The following SLC2A14 variants were observed in gnomAD, a reference collection of about 807,000 sequenced individuals.
SLC2A14 encodes the protein solute carrier family 2, facilitated glucose transporter member 14.
A neutral mutation model predicts 43.0 loss-of-function variants in SLC2A14; 13 were observed. The observed-to-expected ratio is 0.30, with a 90% CI of 0.20 to 0.48. SLC2A14 has a LOEUF of 0.48. Ranked by LOEUF, SLC2A14 falls within the 20% of genes least tolerant of loss-of-function variation. The pLI is 0.99. For missense variants in SLC2A14, 428 were observed against 620.4 expected (o/e 0.69, Z 3.29); for synonymous variants, 190 against 233.8 (o/e 0.81, Z 1.71).
At chr12:7,862,336 T>C (rs1348798125) in intron 2 of SLC2A14, among the ~76,000 whole-genome samples, 1 of 150,168 alleles carries the variant, frequency 6.7e-6, no homozygotes, top group East Asian at 1.9e-4. Flanking sequence ...ATACCAGCAC[T>C]TTGGAAGGCC....
At chr12:7,818,118 C>A in intron 9 of SLC2A14, 84 bp from the exon 10 acceptor site, 1 of 1,287,888 alleles carries the variant, frequency 7.8e-7, no homozygotes, top group Non-Finnish European at 1.1e-6. Context: ...TAATGGCAAG[C>A]TCCTCCTGTC....
chr12:7,872,736 G>GGCCACCTCTACCCCA (rs1945306525), intron 1 of SLC2A14, 71 bp downstream of exon 1: 1 of 979,728 alleles, frequency 1.0e-6, no homozygotes, highest in African/African-American at 1.8e-5. Flanking sequence ...ACTCTAGCTC[G>GGCCACCTCTACCCCA]GCCACCTCTA....
intron 3 of SLC2A14, 84 bp from the exon 4 acceptor site, chr12:7,831,848 C>A: frequency 6.4e-7 from 1 of 1,551,146 alleles, no homozygotes; most frequent in Non-Finnish European, 8.8e-7. Flanking sequence ...GTGGCTCACG[C>A]CTGTAATCCC....
intron 2 of SLC2A14, among the ~76,000 whole-genome samples, chr12:7,840,728 G>C (rs1470549819): frequency 1.3e-5 from 2 of 152,126 alleles, no homozygotes. Flanking sequence ...TTAGACAGAG[G>C]GTAGGGATAG....
chr12:7,832,519 G>A (rs868448767), intron 3 of SLC2A14, among the ~76,000 whole-genome samples: 1 of 152,116 alleles, frequency 6.6e-6, no homozygotes, highest in Non-Finnish European at 1.5e-5. Flanking sequence ...TCCCCTAGTT[G>A]GGGGAGGGAC....
intron 2 of SLC2A14, among the ~76,000 whole-genome samples, chr12:7,867,070 G>C (rs1944952480): frequency 6.6e-6 from 1 of 151,698 alleles, no homozygotes; most frequent in African/African-American, 2.4e-5. Flanking sequence ...ACAAGGTCAG[G>C]AGATTGAGAC....
At chr12:7,828,364 C>CA (rs34164271) in intron 6 of SLC2A14, among the ~76,000 whole-genome samples, 3 of 142,242 alleles carry the variant, frequency 2.1e-5, no homozygotes, top group East Asian at 2.1e-4. Context: ...GACTCTGTCT[C>CA]AAAAAAAAAA....
rs186217586 is a variant in SLC2A14 at position 7,838,872 on chromosome 12, A to G, written c.19-6058T>C. On this transcript the variant is annotated intron_variant, in intron 2 of 10. Transcript: ENST00000431042. ...TAAGGAGGTAATTAAGATTACATGA[A>G]GTCACTAGGGTGGGGCTCTAGTCCA... 2.6e-3 allele frequency among the ~76,000 whole-genome samples: 401 copies of G among 152,170 alleles called. 3 individuals carry two copies. The highest frequency in any genetic ancestry group is 8.6e-3 in the African/African-American group (357 of 41,508).
upstream of SLC2A14, among the ~76,000 whole-genome samples, chr12:7,878,127 G>A (rs565552007): frequency 8.4e-4 from 127 of 151,906 alleles, 1 homozygote; most frequent in Non-Finnish European, 6.0e-4. Flanking sequence ...CTTGGCTCAC[G>A]GCAACCTCTG....
chr12:7,874,712 G>A (rs1452940704), upstream of SLC2A14, among the ~76,000 whole-genome samples: 6 of 127,122 alleles, frequency 4.7e-5, no homozygotes, highest in Non-Finnish European at 9.5e-5. Flanking sequence ...ATATAAATAT[G>A]TATATAAATA....
chr12:7,853,435 A>AC (rs1164252577), intron 2 of SLC2A14, among the ~76,000 whole-genome samples: 1 of 143,608 alleles, frequency 7.0e-6, no homozygotes, highest in African/African-American at 2.7e-5. Context: ...ATTTCAAAAA[A>AC]AAAAAAAAAA....
intron 1 of SLC2A14, among the ~76,000 whole-genome samples, chr12:7,881,362 CGCACTCGGAGCGGCCGGCCGGCCGGCCCT>C (rs1024233782): frequency 1.3e-4 from 19 of 151,852 alleles, no homozygotes; most frequent in Non-Finnish European, 2.5e-4. Context: ...CGGCGGGCCC[CGCACTCGGAGCGGCCGGCCGGCCGGCCCT>C]GGTGGCCCCG....
At position 7,814,455 on chromosome 12, in the gene SLC2A14, G is replaced by A. The variant is rs1340899424; in HGVS notation, c.1355C>T (p.Pro452Leu). The change falls in exon 11 of 11, where the codon CCT becomes CTT. Residue 452 changes from proline (P) to leucine (L), a missense_variant. This residue lies in a region of SLC2A14 where 119 missense variants were observed against 188.7 expected (regional missense o/e 0.63). Transcript: ENST00000431042. Reference sequence around the variant, plus strand: ...CTCAAAAGTCCTGCCACGGGTCTCAGGGACTTTGAAGAAGGTAAAGGCCAA... The same window carrying A: ...CTCAAAAGTCCTGCCACGGGTCTCAAGGACTTTGAAGAAGGTAAAGGCCAA... Reference protein sequence around the residue: ...TFLAFTFFKVPETRGRTFEDI... With the variant: ...TFLAFTFFKVLETRGRTFEDI... 6 of 1,613,492 alleles carry A rather than the reference G, an allele frequency of 3.7e-6. No individual in the cohort carries two copies. In the South Asian group the frequency reaches 6.6e-5, roughly 18 times the overall value.
upstream of SLC2A14, among the ~76,000 whole-genome samples, chr12:7,874,937 T>TTATATATAAATATATTTATATATAAA (rs1945418617): frequency 1.2e-3 from 76 of 65,666 alleles, 4 homozygotes; most frequent in African/African-American, 5.2e-3. Flanking sequence ...TTATATATAA[T>TTATATATAAATATATTTATATATAAA]TTATATATAA....
At chr12:7,882,596 G>A (rs569348046) in intron 1 of SLC2A14, among the ~76,000 whole-genome samples, 3 of 152,118 alleles carry the variant, frequency 2.0e-5, no homozygotes, top group Non-Finnish European at 4.4e-5. Context: ...ACTCTGGGAG[G>A]CTGAGGCAGG....
chr12:7,883,509 G>A (rs1293371749), intron 1 of SLC2A14, among the ~76,000 whole-genome samples: 14 of 147,764 alleles, frequency 9.5e-5, no homozygotes, highest in East Asian at 2.0e-4. Flanking sequence ...CTCATGATCC[G>A]CCTGCCTCGG....
At chr12:7,882,047 G>A (rs962022262) in intron 1 of SLC2A14, among the ~76,000 whole-genome samples, 1 of 152,068 alleles carries the variant, frequency 6.6e-6, no homozygotes, top group African/African-American at 2.4e-5. Flanking sequence ...AGGCTGCCCG[G>A]GCCAGCAGTG....
At chr12:7,874,882 A>ATATAAATACG (rs1565584956), upstream of SLC2A14, among the ~76,000 whole-genome samples, 11 of 85,632 alleles carry the variant, frequency 1.3e-4, no homozygotes, top group Non-Finnish European at 1.6e-4. Context: ...ATATAAATAT[A>ATATAAATACG]TATTTATATA....
At chr12:7,874,951 T>C (rs374047817), upstream of SLC2A14, among the ~76,000 whole-genome samples, 233 of 5,334 alleles carry the variant, frequency 0.044, 1 homozygote, top group Middle Eastern at 0.25. Context: ...TATATAAATA[T>C]ATTTATATAT....
Sources: gnomAD v4.1 joint callset for allele counts (sites outside exome capture counted in the v4.1 genomes callset) on GRCh38, gnomAD v4.1.1 for gene constraint, gnomAD v4.1.1 regional missense constraint, MANE v1.5 for transcripts, NCBI Gene and HGNC (gene_info 2026-07-23, HGNC 2026-07-21) for gene names.